The following KLHL3 variants were observed in gnomAD, a reference collection of about 807,000 sequenced individuals.
KLHL3 encodes kelch like family member 3.
In KLHL3, 19 loss-of-function variants were observed where a neutral mutation model predicts 70.5. The ratio of observed to expected loss-of-function variants is 0.27; its 90% CI spans 0.19 to 0.40. The LOEUF (loss-of-function observed/expected upper bound fraction) is 0.40, where lower values mean the gene tolerates loss of function less well. Ranked by LOEUF, KLHL3 falls within the 10% of genes least tolerant of loss-of-function variation. The pLI, the probability that KLHL3 is intolerant of heterozygous loss-of-function variation, is 1.00. For synonymous variants in KLHL3, 258 were observed against 290.3 expected, an observed-to-expected ratio of 0.89 and a Z score of 1.13; for missense variants, 512 against 771.1, an observed-to-expected ratio of 0.66 and a Z score of 3.98.
chr5:137,674,809 T>G (rs1291840052), intron 6 of KLHL3, among the ~76,000 whole-genome samples: 4 of 152,242 alleles, frequency 2.6e-5, no homozygotes, highest in Admixed American at 6.5e-5. Context: ...TGCAAGAGAT[T>G]GCTTATCACA....
chr5:137,730,074 C>G (rs1580791256), intron 1 of KLHL3, among the ~76,000 whole-genome samples: 1 of 152,132 alleles, frequency 6.6e-6, no homozygotes, highest in East Asian at 1.9e-4. Flanking sequence ...GTTAAAGCAC[C>G]TTACCTCCAT....
chr5:137,651,482 A>G (rs1442325207), intron 8 of KLHL3, among the ~76,000 whole-genome samples: 5 of 152,242 alleles, frequency 3.3e-5, no homozygotes, highest in Non-Finnish European at 7.3e-5. Flanking sequence ...CATCTAAAAC[A>G]ATAAAATACC....
chr5:137,630,179 T>A (rs556733213), intron 12 of KLHL3, among the ~76,000 whole-genome samples: 1 of 152,206 alleles, frequency 6.6e-6, no homozygotes, highest in Non-Finnish European at 1.5e-5. Context: ...AAGGCTGACC[T>A]GGGAGCCTGA....
chr5:137,724,951 T>C lies in KLHL3; in HGVS notation c.15-4367A>G, dbSNP rs1008069682. 6 of 643,896 alleles carry C rather than the reference T, an allele frequency of 9.3e-6. No individual in the cohort carries two copies. The Admixed American group carries it at 3.8e-4, about 41-fold the overall frequency. The allele number at this position is 643,896 out of a possible 1,614,324, so 39.9% of individuals were successfully genotyped here. ...ACCCTCCAGCAATATAGTGCATGCATGTACATAAATGCACACACATATACA... is the reference window on the plus strand; with the variant it reads ...ACCCTCCAGCAATATAGTGCATGCACGTACATAAATGCACACACATATACA... On this transcript the variant is annotated intron_variant, in intron 1 of 14. Coordinates refer to ENST00000309755, the MANE Select transcript of KLHL3 (RefSeq NM_017415.3).
intron 1 of KLHL3, among the ~76,000 whole-genome samples, chr5:137,722,991 G>T (rs1753025979): frequency 6.6e-6 from 1 of 152,116 alleles, no homozygotes; most frequent in Non-Finnish European, 1.5e-5. Context: ...TTTATGTCAG[G>T]ATATGAAATA....
At chr5:137,672,147 G>C (rs1751775855) in intron 6 of KLHL3, among the ~76,000 whole-genome samples, 1 of 152,192 alleles carries the variant, frequency 6.6e-6, no homozygotes, top group Non-Finnish European at 1.5e-5. Context: ...TGAGAAGCTG[G>C]CAACTCTGAT....
chr5:137,731,814 A>C (rs2149940374), intron 1 of KLHL3, among the ~76,000 whole-genome samples: 1 of 152,314 alleles, frequency 6.6e-6, no homozygotes, highest in Non-Finnish European at 1.5e-5. Flanking sequence ...TAACTCTTGC[A>C]GATCTGCCAC....
intron 6 of KLHL3, among the ~76,000 whole-genome samples, chr5:137,663,056 C>CTTTTTTTTTTTTTTT (rs139890036): frequency 1.8e-4 from 14 of 77,910 alleles, no homozygotes; most frequent in East Asian, 4.3e-4. Context: ...AGCACTCGTT[C>CTTTTTTTTTTTTTTT]TTTTTTTTTT....
chr5:137,700,566 T>C (rs1284781175), intron 3 of KLHL3, among the ~76,000 whole-genome samples: 1 of 152,236 alleles, frequency 6.6e-6, no homozygotes, highest in African/African-American at 2.4e-5. Context: ...GTTCACTTTT[T>C]CTAGGGGGAT....
intron 3 of KLHL3, chr5:137,705,958 A>C: frequency 1.0e-6 from 1 of 954,582 alleles, no homozygotes; most frequent in African/African-American, 1.8e-5. Context: ...AGTTATGCTG[A>C]AAGCAGTAAA....
At chr5:137,658,010 G>C (rs1751384713) in intron 8 of KLHL3, 121 bp downstream of exon 8, 1 of 933,844 alleles carries the variant, frequency 1.1e-6, no homozygotes, top group Non-Finnish European at 1.6e-6. Context: ...CATCTCCTAG[G>C]TTGTAAATGC....
chr5:137,691,297 G>A (rs1752315364), intron 5 of KLHL3, among the ~76,000 whole-genome samples: 4 of 152,178 alleles, frequency 2.6e-5, no homozygotes, highest in Admixed American at 2.0e-4. Context: ...AGATGGCTTA[G>A]TTCAGTTGTG....
chr5:137,663,972 T>C (rs566500044), intron 6 of KLHL3, among the ~76,000 whole-genome samples: 5 of 152,304 alleles, frequency 3.3e-5, no homozygotes, highest in East Asian at 1.9e-4. Context: ...GGGCATTACA[T>C]GGGCATATAC....
chr5:137,708,485 C>T (rs933404189), intron 3 of KLHL3, among the ~76,000 whole-genome samples: 1 of 152,144 alleles, frequency 6.6e-6, no homozygotes, highest in African/African-American at 2.4e-5. Context: ...CCCCAAGTGC[C>T]CAAAGCTCAC....
intron 3 of KLHL3, among the ~76,000 whole-genome samples, chr5:137,709,035 G>T (rs1295279345): frequency 6.6e-6 from 1 of 152,214 alleles, no homozygotes; most frequent in African/African-American, 2.4e-5. Context: ...CTACAGACAG[G>T]AAGCTCAGCC....
At chr5:137,629,093 G>C (rs17459876) in intron 12 of KLHL3, 38,466 of 152,142 alleles carry the variant, frequency 0.25, 5,276 homozygotes, top group Middle Eastern at 0.33. Context: ...GGCATTATCA[G>C]ATCACTCACC....
At chr5:137,680,512 C>T (rs1751995741) in intron 5 of KLHL3, among the ~76,000 whole-genome samples, 1 of 151,840 alleles carries the variant, frequency 6.6e-6, no homozygotes, top group Middle Eastern at 3.5e-3. Context: ...TTCCCACTTT[C>T]CAAAGTCCAG....
In KLHL3 at chr5:137,619,127, T is replaced by G. The variant is rs962745395; in HGVS notation, c.*2971A>C. 5.2e-5 allele frequency: 8 copies of G among 152,718 alleles called. No individual in the cohort carries two copies. Among genetic ancestry groups the G allele is most frequent in the African/African-American group, 1.9e-4 (8 of 41,566 alleles). The allele number at this position is 152,718 out of a possible 1,614,324, so 9.5% of individuals were successfully genotyped here. A position where few individuals can be genotyped will look rare whatever the true frequency, so the allele number is the denominator to read the frequency against. On this transcript the variant is annotated 3_prime_UTR_variant, in exon 15 of 15. Transcript: ENST00000309755. ...CCTAAAAGCTATAGCTTCAATTTTA[T>G]AAAAAGGCAATCTTTGAAAGGATCT...
chr5:137,720,895 T>C, intron 1 of KLHL3: 1 of 1,113,758 alleles, frequency 9.0e-7, no homozygotes, highest in South Asian at 3.1e-5. Flanking sequence ...ATCACTCACT[T>C]CACAGGTTTG....
Sources: gnomAD v4.1 joint callset for allele counts (sites outside exome capture counted in the v4.1 genomes callset) on GRCh38, gnomAD v4.1.1 for gene constraint, MANE v1.5 for transcripts, NCBI Gene and HGNC (gene_info 2026-07-23, HGNC 2026-07-21) for gene names.